LAMA5: variants seen among roughly 807,000 people sequenced by gnomAD.
The protein encoded by LAMA5 is laminin subunit alpha-5.
Under a neutral mutation model 433.4 loss-of-function variants are expected in LAMA5, and 260 were observed. The ratio of observed to expected loss-of-function variants is 0.60; its 90% CI spans 0.54 to 0.66. The LOEUF is 0.66. Among genes scored for constraint, LAMA5 ranks in the 30% least tolerant of loss-of-function variants. The pLI is 0.00. For synonymous variants in LAMA5, 2,620 were observed against 2,226.6 expected (o/e 1.18, Z -4.97); for missense variants, 5,378 against 5,258.5 (o/e 1.02, Z -0.70).
At chr20:62,349,134 G>C (rs1185593168) in intron 6 of LAMA5, among the ~76,000 whole-genome samples, 1 of 151,990 alleles carries the variant, frequency 6.6e-6, no homozygotes, top group Admixed American at 6.6e-5. Flanking sequence ...AGCCAGGCGT[G>C]GTGGTGGGTG....
chr20:62,334,071 C>G, intron 22 of LAMA5, 32 bp from the exon 23 acceptor site: 1 of 1,600,060 alleles, frequency 6.2e-7, no homozygotes, highest in Non-Finnish European at 8.5e-7. Context: ...GGTCACTCTC[C>G]CTGACCACTG....
At chr20:62,336,621 G>A in intron 17 of LAMA5, 113 bp downstream of exon 17, 2 of 1,331,176 alleles carry the variant, frequency 1.5e-6, no homozygotes, top group Non-Finnish European at 2.1e-6. Context: ...AGGCCCTGGG[G>A]TTGCCATGGC....
At chr20:62,310,114 C>A (rs1022438294) in intron 77 of LAMA5, 33 bp from the exon 78 acceptor site, 2 of 1,610,092 alleles carry the variant, frequency 1.2e-6, no homozygotes, top group East Asian at 2.2e-5. Context: ...TCAGGCTATG[C>A]CCCCGAGGTC....
rs777831980 is a variant in LAMA5, at chr20:62,328,061, A to G, written c.4653-51T>C. 3 of 1,606,352 alleles carry G rather than the reference A, an allele frequency of 1.9e-6. No homozygotes were observed. In the Admixed American group the frequency reaches 5.0e-5, roughly 27 times the overall value. ...CCCTCCACCCCAGGTCACTCACACCAAAGTGAGACCTCGTAGGCACCCCCC... is the reference window on the plus strand; with the variant it reads ...CCCTCCACCCCAGGTCACTCACACCGAAGTGAGACCTCGTAGGCACCCCCC... On this transcript the variant is annotated intron_variant, in intron 35 of 79. Coordinates refer to ENST00000252999, the MANE Select transcript of LAMA5 (RefSeq NM_005560.6).
intron 48 of LAMA5, among the ~76,000 whole-genome samples, chr20:62,321,208 GAAGA>G (rs2146109482): frequency 8.2e-6 from 1 of 122,118 alleles, no homozygotes; most frequent in South Asian, 3.0e-4. Context: ...GCCAGTGGAG[GAAGA>G]GGGGGCCAGT....
rs781049759 is a variant in LAMA5, at chr20:62,335,371, C to T, written c.2324-102G>A. The T allele has an allele frequency of 3.6e-4, 430 of 1,191,208 alleles. 1 individual carries two copies. The highest frequency in any genetic ancestry group is 4.9e-4 in the Non-Finnish European group (410 of 832,100). 73.8% of individuals were successfully genotyped at this position (1,191,208 alleles called of 1,614,324 possible). A position where few individuals can be genotyped will look rare whatever the true frequency, so the allele number is the denominator to read the frequency against. On this transcript the variant is annotated intron_variant, in intron 18 of 79. Coordinates refer to ENST00000252999, the MANE Select transcript of LAMA5 (RefSeq NM_005560.6). ...ACCCTAACACCCCCTCCAGGGCACACTCACAGGCTCCAGCACCCCCAGGAG... is the reference window on the plus strand; with the variant it reads ...ACCCTAACACCCCCTCCAGGGCACATTCACAGGCTCCAGCACCCCCAGGAG...
intron 2 of LAMA5, among the ~76,000 whole-genome samples, chr20:62,361,390 G>C (rs1414898739): frequency 6.6e-6 from 1 of 152,148 alleles, no homozygotes; most frequent in African/African-American, 2.4e-5. Context: ...TTTGGAGCTT[G>C]AGCCCTCCCC....
rs1979845317 is a variant in LAMA5 at position 62,329,052 on chromosome 20, G to A, written c.4239C>T (p.Pro1413=). ...HCAAQGYHIS[P]SSSSLFCRNA... ...TTCGGCAGAACAGGGATGAGCTGCT[G>A]GGGCTACATGGAGGGGCACGTGGTG... Residue 1413 remains proline (P), a synonymous_variant, in exon 34 of 80, where the codon CCC becomes CCT. Transcript: ENST00000252999. The A allele has an allele frequency of 6.2e-7, 1 of 1,612,714 alleles. No homozygotes were observed. Among genetic ancestry groups the A allele is most frequent in the South Asian group, 1.1e-5 (1 of 91,074 alleles).
chr20:62,309,446 C>T lies in LAMA5; in HGVS notation c.10978G>A (p.Ala3660Thr), dbSNP rs372010070. ...AGCCTCCTCATGCAGCCGCAGTAGG[C>T]GGGGGGCCAGGGCTGCACGGCCATG... ...EPMAVQPWPP[A>T]YCGCMRRLAV... Residue 3660 changes from alanine to threonine, a missense_variant, in exon 80 of 80, where the codon GCC becomes ACC. By Grantham distance (58) the Ala-to-Thr change is moderately conservative (BLOSUM62 0). Transcript: ENST00000252999. The T allele has an allele frequency of 3.2e-5, 50 of 1,571,032 alleles. No homozygotes were observed. In the Middle Eastern group the frequency reaches 6.8e-4, roughly 21 times the overall value.
At chr20:62,360,954 A>G (rs1349709269) in intron 2 of LAMA5, among the ~76,000 whole-genome samples, 1 of 152,060 alleles carries the variant, frequency 6.6e-6, no homozygotes, top group African/African-American at 2.4e-5. Flanking sequence ...ACCCAGGCAC[A>G]TCGGGCACTG....
intron 50 of LAMA5, 57 bp from the exon 51 acceptor site, chr20:62,319,852 A>C: frequency 7.2e-7 from 1 of 1,398,476 alleles, no homozygotes; most frequent in Non-Finnish European, 9.8e-7. Flanking sequence ...CGGGGTGGCA[A>C]GGGAGGGCCT....
At chr20:62,353,612 C>G (rs1031718421) in intron 2 of LAMA5, among the ~76,000 whole-genome samples, 2 of 152,172 alleles carry the variant, frequency 1.3e-5, no homozygotes, top group Non-Finnish European at 2.9e-5. Context: ...GCGGCCCAGG[C>G]AGGGACTGGC....
chr20:62,346,282 G>C (rs1040042627), intron 9 of LAMA5, 67 bp from the exon 10 acceptor site: 1 of 1,550,188 alleles, frequency 6.5e-7, no homozygotes, highest in Non-Finnish European at 8.7e-7. Context: ...TCCAAGATGT[G>C]GCAGTCTCTA....
chr20:62,321,932 T>G, intron 48 of LAMA5, 87 bp downstream of exon 48: 1 of 1,352,416 alleles, frequency 7.4e-7, no homozygotes, highest in Non-Finnish European at 1.0e-6. Flanking sequence ...CTCTGGGAGG[T>G]CGACGTTAAC....
In LAMA5 at chr20:62,324,688, G is replaced by C. The variant is rs1305547294; in HGVS notation, c.5530-134C>G. ...GAACCCGTGGAGCATGGTCACCGCT[G>C]GGTCAGAGGCTGGTCAGGAACTCCT... On this transcript the variant is annotated intron_variant, in intron 41 of 79. Coordinates refer to ENST00000252999, the MANE Select transcript of LAMA5 (RefSeq NM_005560.6). The surrounding 1 kb of genome is among the most constrained non-coding windows in gnomAD (Gnocchi z 4.4). The C allele has an allele frequency of 1.5e-6, 1 of 655,482 alleles. No homozygotes were observed. The highest frequency in any genetic ancestry group is 1.8e-5 in the African/African-American group (1 of 55,734). 40.6% of individuals were successfully genotyped at this position (655,482 alleles called of 1,614,324 possible). A position where few individuals can be genotyped will look rare whatever the true frequency, so the allele number is the denominator to read the frequency against.
chr20:62,345,934 A>ACC (rs1983288248), intron 10 of LAMA5, 57 bp from the exon 11 acceptor site: 1 of 1,551,040 alleles, frequency 6.4e-7, no homozygotes. Context: ...AGCACCCTAC[A>ACC]CCCCCTGCCA....
chr20:62,353,308 G>A (rs1417023991), intron 2 of LAMA5, 57 bp from the exon 3 acceptor site: 21 of 1,273,954 alleles, frequency 1.6e-5, no homozygotes, highest in Non-Finnish European at 2.2e-5. Flanking sequence ...CATGCTCCCA[G>A]GGGCCTGGCT....
chr20:62,334,122 T>TC, intron 22 of LAMA5, 64 bp downstream of exon 22: 1 of 1,587,598 alleles, frequency 6.3e-7, no homozygotes, highest in Non-Finnish European at 8.6e-7. Context: ...TGCCCACCCC[T>TC]CCCTGCCAGC....
intron 6 of LAMA5, among the ~76,000 whole-genome samples, chr20:62,350,458 G>A (rs114413173): frequency 2.6e-5 from 4 of 152,268 alleles, no homozygotes; most frequent in African/African-American, 9.6e-5. Context: ...TCCCGCCTCT[G>A]CTCGGCACTG....
Sources: allele counts gnomAD v4.1 joint callset (sites outside exome capture counted in the v4.1 genomes callset), GRCh38; gene constraint gnomAD v4.1.1; non-coding constraint Gnocchi (gnomAD v3.1); transcripts MANE v1.5; gene names NCBI Gene and HGNC (gene_info 2026-07-23, HGNC 2026-07-21).